DTNBP1: variants seen among roughly 807,000 people sequenced by gnomAD.
DTNBP1 encodes dysbindin.
Under a neutral mutation model 42.8 loss-of-function variants are expected in DTNBP1, and 35 were observed. The observed-to-expected ratio is 0.82, with a 90% CI of 0.63 to 1.09. DTNBP1 has a LOEUF of 1.09. DTNBP1 is among the 50% of genes least tolerant of loss of function. The probability of loss-of-function intolerance (pLI) is 0.00; values close to 1 mark genes in which losing one functional copy is unlikely to be tolerated. For missense variants in DTNBP1, 457 were observed against 424.2 expected (o/e 1.08, Z -0.68); for synonymous variants, 171 against 162.2 (o/e 1.05, Z -0.41).
At chr6:15,645,101 A>G (rs1213713303) in intron 3 of DTNBP1, among the ~76,000 whole-genome samples, 2 of 152,102 alleles carry the variant, frequency 1.3e-5, no homozygotes, top group Non-Finnish European at 2.9e-5. Flanking sequence ...AAGTGACATC[A>G]TAACTGACAC....
intron 8 of DTNBP1, among the ~76,000 whole-genome samples, chr6:15,527,846 G>T (rs1305590580): frequency 6.6e-6 from 1 of 152,136 alleles, no homozygotes; most frequent in Non-Finnish European, 1.5e-5. Context: ...ACGTTATGCT[G>T]ACATATCTGA....
At position 15,523,818 on chromosome 6, in the gene DTNBP1, C is replaced by T. The variant is rs761616975; in HGVS notation, c.812-599G>A. On this transcript the variant is annotated intron_variant, in intron 9 of 9. Coordinates refer to ENST00000344537, the MANE Select transcript of DTNBP1 (RefSeq NM_032122.5). ...CTCCTTCTCTTCCCCAGGATGACAC[C>T]GTTCTGACAGATTGCCAGGAGAAGC... The T allele has an allele frequency of 2.3e-5, 29 of 1,287,154 alleles. No individual in the cohort carries two copies. The East Asian group carries it at 5.0e-4, about 22-fold the overall frequency. 79.7% of individuals were successfully genotyped at this position (1,287,154 alleles called of 1,614,324 possible). A position where few individuals can be genotyped will look rare whatever the true frequency, so the allele number is the denominator to read the frequency against.
chr6:15,560,302 T>C (rs1774771380), intron 7 of DTNBP1, among the ~76,000 whole-genome samples: 1 of 148,990 alleles, frequency 6.7e-6, no homozygotes, highest in South Asian at 2.1e-4. Flanking sequence ...CGAGACTGTC[T>C]CAAAAAAAAA....
At chr6:15,575,159 G>A (rs1478562664) in intron 7 of DTNBP1, among the ~76,000 whole-genome samples, 1 of 151,932 alleles carries the variant, frequency 6.6e-6, no homozygotes, top group Non-Finnish European at 1.5e-5. Context: ...AACTTATTTG[G>A]GCTATTCCAG....
chr6:15,627,069 A>G (rs1365091404), intron 5 of DTNBP1, among the ~76,000 whole-genome samples: 1 of 152,214 alleles, frequency 6.6e-6, no homozygotes, highest in East Asian at 1.9e-4. Flanking sequence ...ACAGAGACCA[A>G]ATGTCAACAA....
intron 6 of DTNBP1, among the ~76,000 whole-genome samples, chr6:15,599,873 T>A (rs1391695005): frequency 6.6e-6 from 1 of 152,198 alleles, no homozygotes; most frequent in African/African-American, 2.4e-5. Context: ...CTGATTTTTT[T>A]ATTCAAAATT....
At chr6:15,575,017 A>G (rs1775502648) in intron 7 of DTNBP1, among the ~76,000 whole-genome samples, 2 of 152,226 alleles carry the variant, frequency 1.3e-5, no homozygotes, top group South Asian at 4.1e-4. Flanking sequence ...AGAGCACTTG[A>G]TACTGCCATA....
intron 7 of DTNBP1, among the ~76,000 whole-genome samples, chr6:15,577,100 C>T (rs1423997341): frequency 1.3e-5 from 2 of 152,176 alleles, no homozygotes; most frequent in African/African-American, 2.4e-5. Context: ...CAGAAGGGAA[C>T]GAGCCAGGCC....
intron 6 of DTNBP1, among the ~76,000 whole-genome samples, chr6:15,594,656 T>C (rs1406757916): frequency 2.0e-5 from 3 of 151,988 alleles, no homozygotes; most frequent in African/African-American, 7.3e-5. Flanking sequence ...CAAGAGAATC[T>C]CAAAAAGATA....
At chr6:15,549,720 G>A (rs866589156) in intron 7 of DTNBP1, among the ~76,000 whole-genome samples, 64 of 152,142 alleles carry the variant, frequency 4.2e-4, no homozygotes, top group African/African-American at 1.3e-3. Context: ...TTTATACTAA[G>A]CTAGCTGTCG....
At chr6:15,571,994 T>C (rs1236904175) in intron 7 of DTNBP1, among the ~76,000 whole-genome samples, 1 of 152,212 alleles carries the variant, frequency 6.6e-6, no homozygotes, top group Non-Finnish European at 1.5e-5. Flanking sequence ...CCTTAATTTA[T>C]AAGCTAATAA....
chr6:15,561,146 T>A (rs528878214), intron 7 of DTNBP1, among the ~76,000 whole-genome samples: 2 of 152,168 alleles, frequency 1.3e-5, no homozygotes, highest in Non-Finnish European at 2.9e-5. Context: ...AGCTTATTCC[T>A]GTGAACCAAC....
intron 8 of DTNBP1, among the ~76,000 whole-genome samples, chr6:15,531,553 C>T (rs961719861): frequency 1.3e-5 from 2 of 152,234 alleles, no homozygotes; most frequent in Non-Finnish European, 2.9e-5. Flanking sequence ...CATTCACCAG[C>T]ACACTCTGAA....
Position 15,662,947 on chromosome 6 carries a change from A to AC in DTNBP1, c.-79dup, listed in dbSNP as rs761965774. The AC allele has an allele frequency of 2.5e-6, 4 of 1,584,146 alleles. No homozygotes were observed. The African/African-American group carries it at 5.4e-5, about 21-fold the overall frequency. On this transcript the variant is annotated 5_prime_UTR_variant, in exon 1 of 10. Transcript: ENST00000344537. ...TCGCCCCCTGGGTCCCACGCCGCCA[A>AC]CCCCGCGCTGTCACCGCGCGCCCCG...
At chr6:15,576,293 A>G (rs1206909316) in intron 7 of DTNBP1, among the ~76,000 whole-genome samples, 1 of 151,420 alleles carries the variant, frequency 6.6e-6, no homozygotes, top group African/African-American at 2.4e-5. Flanking sequence ...TAATTTTTGT[A>G]TTTTTTATTA....
intron 6 of DTNBP1, among the ~76,000 whole-genome samples, chr6:15,606,191 G>C (rs572084313): frequency 6.6e-6 from 1 of 152,210 alleles, no homozygotes; most frequent in Non-Finnish European, 1.5e-5. Context: ...CCCTGACTAG[G>C]AAGCCACTGT....
chr6:15,594,988 T>C (rs1581372958), intron 6 of DTNBP1, among the ~76,000 whole-genome samples: 2 of 152,122 alleles, frequency 1.3e-5, no homozygotes, highest in African/African-American at 4.8e-5. Flanking sequence ...GAGTGTGCAA[T>C]TGAGGAGGGC....
chr6:15,612,735 T>A (rs1183137088), intron 6 of DTNBP1, among the ~76,000 whole-genome samples: 1 of 152,194 alleles, frequency 6.6e-6, no homozygotes, highest in African/African-American at 2.4e-5. Flanking sequence ...TAGGGTCACA[T>A]GACCTGTACC....
chr6:15,628,567 G>A (rs955436708), intron 4 of DTNBP1, among the ~76,000 whole-genome samples: 6 of 151,680 alleles, frequency 4.0e-5, no homozygotes, highest in South Asian at 4.2e-4. Context: ...CACCACACCC[G>A]GCTAATTTTT....
Sources: gnomAD v4.1 joint callset for allele counts (sites outside exome capture counted in the v4.1 genomes callset) on GRCh38, gnomAD v4.1.1 for gene constraint, MANE v1.5 for transcripts, NCBI Gene and HGNC (gene_info 2026-07-23, HGNC 2026-07-21) for gene names.